SH3KBP1: variants seen among roughly 807,000 people sequenced by gnomAD.
SH3KBP1 encodes the protein SH3 domain containing kinase binding protein 1, also known as SH3 domain-containing kinase-binding protein 1.
Under a neutral mutation model 50.1 loss-of-function variants are expected in SH3KBP1, and 8 were observed. The ratio of observed to expected loss-of-function variants is 0.16; its 90% confidence interval spans 0.09 to 0.29. SH3KBP1 has a LOEUF of 0.29. Among genes scored for constraint, SH3KBP1 ranks in the 10% least tolerant of loss-of-function variants. The pLI is 1.00. For missense variants in SH3KBP1, 377 were observed against 535.2 expected, an observed-to-expected ratio of 0.70 and a Z score of 2.92; for synonymous variants, 227 against 218.6, an observed-to-expected ratio of 1.04 and a Z score of -0.34.
chrX:19,792,685 G>A (rs987950913), intron 2 of SH3KBP1, among the ~76,000 whole-genome samples: 1 of 106,131 alleles, frequency 9.4e-6, no homozygotes, highest in Non-Finnish European at 1.9e-5. Flanking sequence ...TAGGCCAGTG[G>A]TTCCTAACCA....
At chrX:19,675,438 T>G (rs1037910206) in intron 6 of SH3KBP1, among the ~76,000 whole-genome samples, 1 of 107,634 alleles carries the variant, frequency 9.3e-6, no homozygotes, top group Non-Finnish European at 1.9e-5. Flanking sequence ...AGAGTCTCGC[T>G]CTGTCGCCCA....
intron 2 of SH3KBP1, among the ~76,000 whole-genome samples, chrX:19,768,806 T>C (rs746581495): frequency 2.9e-4 from 32 of 109,781 alleles, no homozygotes; most frequent in African/African-American, 1.1e-3. Context: ...GAGTACACAT[T>C]AATTATTTCA....
At chrX:19,790,864 A>G (rs2066509004) in intron 2 of SH3KBP1, among the ~76,000 whole-genome samples, 1 of 111,396 alleles carries the variant, frequency 9.0e-6, no homozygotes, top group African/African-American at 3.3e-5. Context: ...CAACCTCTTT[A>G]GTAATAAGGG....
At chrX:19,629,986 A>G (rs1435171170) in intron 8 of SH3KBP1, among the ~76,000 whole-genome samples, 1 of 112,083 alleles carries the variant, frequency 8.9e-6, no homozygotes, top group Non-Finnish European at 1.9e-5. Context: ...GAAAAATCAC[A>G]TTAATTTTTA....
chrX:19,625,635 A>G (rs2067996051), intron 8 of SH3KBP1, among the ~76,000 whole-genome samples: 1 of 112,243 alleles, frequency 8.9e-6, no homozygotes, highest in Admixed American at 9.4e-5. Context: ...AAACGCGAGC[A>G]TCAGCAACAA....
At chrX:19,753,355 T>C (rs2065122511) in intron 2 of SH3KBP1, among the ~76,000 whole-genome samples, 1 of 111,938 alleles carries the variant, frequency 8.9e-6, no homozygotes, top group South Asian at 3.7e-4. Context: ...TTTTGCAAAA[T>C]TACCACTGGC....
At chrX:19,797,458 A>C (rs1325999350) in intron 2 of SH3KBP1, among the ~76,000 whole-genome samples, 1 of 112,179 alleles carries the variant, frequency 8.9e-6, no homozygotes, top group African/African-American at 3.2e-5. Context: ...ATGAGGCTGA[A>C]AAGGTAGGCA....
intron 13 of SH3KBP1, among the ~76,000 whole-genome samples, chrX:19,557,459 T>G (rs1249951643): frequency 8.9e-6 from 1 of 112,028 alleles, no homozygotes; most frequent in Admixed American, 9.5e-5. Flanking sequence ...GTGCCAAGCA[T>G]AGGGATAGTT....
chrX:19,630,395 C>T (rs188789440), intron 8 of SH3KBP1, among the ~76,000 whole-genome samples: 4 of 112,346 alleles, frequency 3.6e-5, no homozygotes, highest in South Asian at 3.6e-4. Flanking sequence ...TTCCTTATTC[C>T]GCTTGTTTGG....
chrX:19,544,524 G>T (rs2065031772), intron 15 of SH3KBP1, among the ~76,000 whole-genome samples: 1 of 111,243 alleles, frequency 9.0e-6, no homozygotes, highest in South Asian at 3.7e-4. Flanking sequence ...GCACTCTCCT[G>T]TCCTCTCCTT....
In SH3KBP1 at chrX:19,757,145, C is replaced by CTT. The variant is rs34733630; in HGVS notation, c.163-10706_163-10705dup. Among the ~76,000 whole-genome samples, 155 of 74,667 alleles carry CTT rather than the reference C, an allele frequency of 2.1e-3. 2 individuals are homozygous for CTT. Among genetic ancestry groups the CTT allele is most frequent in the African/African-American group, 6.3e-3 (119 of 18,957 alleles). 64.8% of individuals were successfully genotyped at this position (74,667 alleles called of 115,157 possible). A position where few individuals can be genotyped will look rare whatever the true frequency, so the allele number is the denominator to read the frequency against. On this transcript the variant is annotated intron_variant, in intron 2 of 17. Transcript: ENST00000397821. ...TTCCTGATCGTTAAATTATTGACTG[C>CTT]TTTTTTTTTTTTTTTTTTTTGCAAA...
chrX:19,860,555 C>T (rs1421428193), intron 1 of SH3KBP1, among the ~76,000 whole-genome samples: 1 of 111,589 alleles, frequency 9.0e-6, no homozygotes. Flanking sequence ...GTTACACAAC[C>T]TTGAGAATGT....
intron 2 of SH3KBP1, chrX:19,747,652 T>C (rs2064955338): frequency 2.9e-6 from 1 of 339,650 alleles, no homozygotes; most frequent in African/African-American, 2.7e-5. Context: ...CACTCAAGAG[T>C]GTGTTAGTTA....
At chrX:19,846,645 CAG>C (rs2068374829) in intron 1 of SH3KBP1, among the ~76,000 whole-genome samples, 1 of 111,632 alleles carries the variant, frequency 9.0e-6, no homozygotes. Context: ...AACCTCAAAA[CAG>C]AAGAAGAAAC....
chrX:19,548,320 G>A (rs2065141299), intron 14 of SH3KBP1, among the ~76,000 whole-genome samples: 1 of 111,777 alleles, frequency 8.9e-6, no homozygotes, highest in African/African-American at 3.3e-5. Context: ...GAAAAGTTGG[G>A]AAGAATTTGG....
chrX:19,558,976 A>C (rs2065577817), intron 13 of SH3KBP1, among the ~76,000 whole-genome samples: 1 of 111,154 alleles, frequency 9.0e-6, no homozygotes, highest in African/African-American at 3.3e-5. Flanking sequence ...ATAGAAGTAG[A>C]TGGAATGGAG....
intron 2 of SH3KBP1, among the ~76,000 whole-genome samples, chrX:19,813,930 G>C (rs1396204238): frequency 8.9e-6 from 1 of 111,906 alleles, no homozygotes; most frequent in East Asian, 2.8e-4. Flanking sequence ...CTAAATGCAT[G>C]ATTTCACATC....
chrX:19,758,327 CAAAAAA>C (rs60332447), intron 2 of SH3KBP1, among the ~76,000 whole-genome samples: 4 of 37,666 alleles, frequency 1.1e-4, no homozygotes, highest in Admixed American at 4.0e-4. Flanking sequence ...GACTTCGTTT[CAAAAAA>C]AAAAAAAAAA....
At chrX:19,873,968 G>C (rs1389273030) in intron 1 of SH3KBP1, among the ~76,000 whole-genome samples, 2 of 97,173 alleles carry the variant, frequency 2.1e-5, no homozygotes, top group African/African-American at 7.8e-5. Context: ...GGGATCCCTT[G>C]AACTGGGGAG....
Sources: gnomAD v4.1 joint callset for allele counts (sites outside exome capture counted in the v4.1 genomes callset) on GRCh38, gnomAD v4.1.1 for gene constraint, MANE v1.5 for transcripts, NCBI Gene and HGNC (gene_info 2026-07-23, HGNC 2026-07-21) for gene names.